Variants in MAPK10 observed in about 807,000 individuals in gnomAD.
MAPK10 encodes the protein JNK3 alpha protein kinase.
In MAPK10, 25 loss-of-function variants were observed where a neutral mutation model predicts 59.3. That is an observed-to-expected ratio of 0.42 (90% CI 0.31 to 0.59). MAPK10 has a LOEUF of 0.59. Ranked by LOEUF, MAPK10 falls within the 20% of genes least tolerant of loss-of-function variation. MAPK10 has a pLI of 0.15. For missense variants in MAPK10, 351 were observed against 568.9 expected (o/e 0.62, Z 3.90); for synonymous variants, 190 against 200.5 (o/e 0.95, Z 0.44).
intron 1 of MAPK10, among the ~76,000 whole-genome samples, chr4:86,549,507 A>G (rs920727025): frequency 7.9e-5 from 12 of 152,340 alleles, no homozygotes; most frequent in Admixed American, 5.9e-4. Flanking sequence ...GGGTATACCT[A>G]TATTGGGCAC....
intron 1 of MAPK10, among the ~76,000 whole-genome samples, chr4:86,393,768 G>A (rs562612723): frequency 2.6e-5 from 4 of 152,200 alleles, no homozygotes; most frequent in East Asian, 3.9e-4. Context: ...GTCTCTCCAC[G>A]ACACCAGTGA....
chr4:86,535,391 C>T (rs1758158692), intron 1 of MAPK10, among the ~76,000 whole-genome samples: 1 of 152,202 alleles, frequency 6.6e-6, no homozygotes, highest in Non-Finnish European at 1.5e-5. Context: ...ATTAACAATA[C>T]ACTTAATTAA....
At chr4:86,426,759 T>C (rs1208917971) in intron 1 of MAPK10, among the ~76,000 whole-genome samples, 1 of 152,212 alleles carries the variant, frequency 6.6e-6, no homozygotes, top group Non-Finnish European at 1.5e-5. Context: ...TTACCTAGTT[T>C]AGCCTGAATT....
chr4:86,552,121 T>G (rs1449957132), intron 1 of MAPK10, among the ~76,000 whole-genome samples: 2 of 151,778 alleles, frequency 1.3e-5, no homozygotes, highest in Non-Finnish European at 2.9e-5. Context: ...GGGGGCCAGT[T>G]AAGACAGGGA....
chr4:86,327,768 C>A (rs562642322), intron 2 of MAPK10: 1 of 103,646 alleles, frequency 9.6e-6, no homozygotes, highest in South Asian at 4.2e-4. Flanking sequence ...TGCGAAACCC[C>A]ATCTCTACTA....
In MAPK10 at chr4:86,429,970, G is replaced by A. The variant is rs146738016; in HGVS notation, c.-122+23060C>T. Among the ~76,000 whole-genome samples the A allele has an allele frequency of 1.7e-4, 26 of 151,954 alleles. No individual in the cohort carries two copies. The East Asian group carries it at 3.5e-3, about 20-fold the overall frequency. On this transcript the variant is annotated intron_variant, in intron 1 of 13. Transcript: ENST00000361569. ...ATATTAACTTATTTCATAAAATATT[G>A]TGATATGGCTCAGACCATTGAAGTT... is the stretch of plus-strand genomic sequence containing the variant.
intron 2 of MAPK10, among the ~76,000 whole-genome samples, chr4:86,327,930 C>T (rs1181080084): frequency 6.6e-6 from 1 of 151,872 alleles, no homozygotes; most frequent in Non-Finnish European, 1.5e-5. Context: ...AGCTAGGCGA[C>T]AGAGTGAGAC....
At chr4:86,157,164 T>A (rs910036489) in intron 4 of MAPK10, among the ~76,000 whole-genome samples, 1 of 151,870 alleles carries the variant, frequency 6.6e-6, no homozygotes, top group Non-Finnish European at 1.5e-5. Context: ...CAGTCCAAAG[T>A]GGGGGAAAAG....
intron 2 of MAPK10, among the ~76,000 whole-genome samples, chr4:86,242,277 A>T (rs962914652): frequency 3.9e-5 from 6 of 152,062 alleles, no homozygotes; most frequent in Non-Finnish European, 2.9e-5. Flanking sequence ...ATGCCAGTAG[A>T]ATTGCTCCCA....
intron 1 of MAPK10, among the ~76,000 whole-genome samples, chr4:86,543,411 G>T (rs1013265603): frequency 6.6e-6 from 1 of 152,014 alleles, no homozygotes; most frequent in African/African-American, 2.4e-5. Flanking sequence ...GGCTTGTTGG[G>T]AACAAACTTC....
rs146803843 is a variant in MAPK10, at chr4:86,538,876, A to T, written c.-263+55034T>A. ...ACCAGACAATTCATAAGAAAGAAAC[A>T]GAAATTAGAAATAAATATACAGAAA... On this transcript the variant is annotated intron_variant, in intron 1 of 4. Transcript: ENST00000502302. Among the ~76,000 whole-genome samples the T allele has an allele frequency of 8.9e-4, 135 of 152,348 alleles. 2 individuals carry two copies. The East Asian group carries it at 0.023, about 26-fold the overall frequency.
At chr4:86,309,322 A>G (rs369300334) in intron 2 of MAPK10, among the ~76,000 whole-genome samples, 2 of 152,130 alleles carry the variant, frequency 1.3e-5, no homozygotes, top group Non-Finnish European at 2.9e-5. Flanking sequence ...CAGGCAAACC[A>G]TGGTCAGATA....
intron 4 of MAPK10, among the ~76,000 whole-genome samples, chr4:86,118,374 G>T (rs1267567414): frequency 1.3e-5 from 2 of 151,996 alleles, no homozygotes; most frequent in African/African-American, 4.8e-5. Flanking sequence ...TCTTTATGAA[G>T]ATTTTTCCAA....
intron 1 of MAPK10, among the ~76,000 whole-genome samples, chr4:86,564,779 T>C (rs114040934): frequency 0.012 from 1,761 of 152,214 alleles, 22 homozygotes; most frequent in Non-Finnish European, 0.018. Flanking sequence ...GCATTTTCAG[T>C]ATAGCAAGAT....
chr4:86,224,105 C>G (rs1042948264), intron 2 of MAPK10, among the ~76,000 whole-genome samples: 2 of 143,738 alleles, frequency 1.4e-5, no homozygotes, highest in African/African-American at 5.7e-5. Flanking sequence ...TGGAACCCTA[C>G]CTCAGTTCTA....
At chr4:86,399,661 C>T (rs751351967) in intron 1 of MAPK10, 4 of 152,180 alleles carry the variant, frequency 2.6e-5, no homozygotes, top group Non-Finnish European at 5.9e-5. Context: ...AAACTCACTA[C>T]TGAGCACCTA....
At chr4:86,447,054 G>C (rs1430481900) in intron 1 of MAPK10, among the ~76,000 whole-genome samples, 1 of 152,058 alleles carries the variant, frequency 6.6e-6, no homozygotes, top group Admixed American at 6.6e-5. Flanking sequence ...CTTATAAGCA[G>C]AAGCAAACTA....
chr4:86,407,629 A>G (rs1488199616), intron 1 of MAPK10, among the ~76,000 whole-genome samples: 1 of 152,182 alleles, frequency 6.6e-6, no homozygotes, highest in Non-Finnish European at 1.5e-5. Flanking sequence ...TCTAGATCCC[A>G]GTCTGAGCAC....
intron 1 of MAPK10, among the ~76,000 whole-genome samples, chr4:86,447,801 T>G (rs184038720): frequency 2.0e-5 from 3 of 152,336 alleles, no homozygotes; most frequent in African/African-American, 7.2e-5. Flanking sequence ...AATACATATA[T>G]GTGTGTATCT....
Sources: allele counts gnomAD v4.1 joint callset (sites outside exome capture counted in the v4.1 genomes callset), GRCh38; gene constraint gnomAD v4.1.1; transcripts MANE v1.5; gene names NCBI Gene and HGNC (gene_info 2026-07-23, HGNC 2026-07-21).